WDPCP: variants seen among roughly 807,000 people sequenced by gnomAD.
WDPCP encodes the protein WD repeat containing planar cell polarity effector.
WDPCP carries 71 observed loss-of-function variants against 93.1 expected under a neutral mutation model. The ratio of observed to expected loss-of-function variants is 0.76; its 90% CI spans 0.63 to 0.93. The LOEUF (loss-of-function observed/expected upper bound fraction) is 0.93. WDPCP is among the 40% of genes least tolerant of loss of function. WDPCP has a pLI of 0.00. For synonymous variants in WDPCP, 315 were observed against 315.0 expected, an observed-to-expected ratio of 1.00 and a Z score of 0.00; for missense variants, 844 against 887.4, an observed-to-expected ratio of 0.95 and a Z score of 0.62.
At chr2:63,463,429 A>T (rs567731657) in intron 6 of WDPCP, among the ~76,000 whole-genome samples, 1 of 152,180 alleles carries the variant, frequency 6.6e-6, no homozygotes, top group Non-Finnish European at 1.5e-5. Context: ...TGGTACCTGG[A>T]GGAGAATGTG....
At chr2:63,336,784 G>C (rs993835819) in intron 12 of WDPCP, among the ~76,000 whole-genome samples, 3 of 150,740 alleles carry the variant, frequency 2.0e-5, no homozygotes, top group Admixed American at 6.6e-5. Context: ...TACGTGTACA[G>C]TTCAGTGCTA....
intron 1 of WDPCP, among the ~76,000 whole-genome samples, chr2:63,511,895 A>G (rs961220550): frequency 2.0e-4 from 30 of 152,232 alleles, no homozygotes; most frequent in African/African-American, 6.8e-4. Context: ...AAAATTGACA[A>G]ATGGGATCTA....
At chr2:63,691,069 A>G (rs534227710) in intron 2 of WDPCP, among the ~76,000 whole-genome samples, 1 of 152,366 alleles carries the variant, frequency 6.6e-6, no homozygotes, top group East Asian at 1.9e-4. Flanking sequence ...ATCTGTTATA[A>G]GCAACAATAA....
intron 2 of WDPCP, among the ~76,000 whole-genome samples, chr2:63,761,205 T>C (rs1272285850): frequency 6.6e-6 from 1 of 152,216 alleles, no homozygotes; most frequent in Non-Finnish European, 1.5e-5. Flanking sequence ...AGTGGGTTTC[T>C]GATAAAAGGA....
At chr2:63,513,254 A>C (rs933655992) in intron 1 of WDPCP, among the ~76,000 whole-genome samples, 27 of 152,226 alleles carry the variant, frequency 1.8e-4, no homozygotes, top group African/African-American at 6.5e-4. Flanking sequence ...AGTATGCTAC[A>C]TGATTATATG....
chr2:63,358,511 A>G (rs1312973459), intron 12 of WDPCP, among the ~76,000 whole-genome samples: 3 of 152,136 alleles, frequency 2.0e-5, no homozygotes, highest in Non-Finnish European at 4.4e-5. Flanking sequence ...CTGTTACCCA[A>G]GTTGCAGTGC....
chr2:63,152,634 A>G (rs1482804982), intron 17 of WDPCP, among the ~76,000 whole-genome samples: 1 of 152,148 alleles, frequency 6.6e-6, no homozygotes. Flanking sequence ...AATCATTTTG[A>G]GTCAACTTGA....
intron 1 of WDPCP, among the ~76,000 whole-genome samples, chr2:63,522,710 C>T (rs535205681): frequency 6.6e-6 from 1 of 152,178 alleles, no homozygotes; most frequent in East Asian, 1.9e-4. Flanking sequence ...AGGAAATCTA[C>T]CAGAAATGAG....
At chr2:63,578,859 A>C (rs1381904097) in intron 1 of WDPCP, among the ~76,000 whole-genome samples, 1 of 152,126 alleles carries the variant, frequency 6.6e-6, no homozygotes, top group Non-Finnish European at 1.5e-5. Context: ...CATGAGATTC[A>C]CTTATTCTTA....
chr2:63,181,911 T>C, intron 14 of WDPCP, among the ~76,000 whole-genome samples: 1 of 152,044 alleles, frequency 6.6e-6, no homozygotes, highest in Non-Finnish European at 1.5e-5. Context: ...GTTTAAAATA[T>C]ATTCCTAAAT....
rs1041212949 is a variant in WDPCP at position 63,764,550 on chromosome 2, G to A, written n.308+49072C>T. ...TGATTTTTGAATTGTCAAACACCAC[G>A]CAAAGAGTAGATATGGTAAGTGATT... On this transcript the variant is annotated intron_variant and non_coding_transcript_variant, in intron 2 of 4. Coordinates refer to the WDPCP transcript ENST00000467687. Among the ~76,000 whole-genome samples the A allele has an allele frequency of 3.2e-4, 49 of 152,112 alleles. 1 individual carries two copies. The highest frequency in any genetic ancestry group is 1.1e-3 in the African/African-American group (44 of 41,420).
chr2:63,758,469 G>A (rs1670001857), intron 2 of WDPCP, among the ~76,000 whole-genome samples: 1 of 152,072 alleles, frequency 6.6e-6, no homozygotes, highest in Non-Finnish European at 1.5e-5. Context: ...GACAGCACCT[G>A]GCTCTGTCAC....
chr2:63,513,480 A>G (rs9789351), intron 1 of WDPCP, among the ~76,000 whole-genome samples: 122,046 of 151,888 alleles, frequency 0.8, 49,707 homozygotes, highest in East Asian at 0.98. Context: ...AGGTCTCTGA[A>G]GCAAGGTATC....
chr2:63,164,250 A>G (rs1177003195), intron 15 of WDPCP, among the ~76,000 whole-genome samples: 3 of 152,172 alleles, frequency 2.0e-5, no homozygotes, highest in Non-Finnish European at 4.4e-5. Flanking sequence ...CATTTTGTTT[A>G]TACAGTGTCT....
At chr2:63,250,628 G>A (rs1680635388) in intron 14 of WDPCP, among the ~76,000 whole-genome samples, 1 of 152,128 alleles carries the variant, frequency 6.6e-6, no homozygotes, top group South Asian at 2.1e-4. Flanking sequence ...CAAGTTCTGT[G>A]AATTTATAGC....
At chr2:63,397,571 T>C (rs1044863168) in intron 10 of WDPCP, among the ~76,000 whole-genome samples, 18 of 152,100 alleles carry the variant, frequency 1.2e-4, no homozygotes, top group African/African-American at 4.1e-4. Flanking sequence ...AACATTTTCA[T>C]GAGTAGGCAG....
intron 10 of WDPCP, among the ~76,000 whole-genome samples, chr2:63,399,161 C>T (rs555655111): frequency 6.6e-6 from 1 of 152,234 alleles, no homozygotes; most frequent in East Asian, 1.9e-4. Context: ...TTCTATAAAA[C>T]TTAAGAGTCA....
intron 17 of WDPCP, among the ~76,000 whole-genome samples, chr2:63,134,367 C>T (rs972721): frequency 0.21 from 32,331 of 152,040 alleles, 3,780 homozygotes; most frequent in Middle Eastern, 0.34. Context: ...CAATTATGAT[C>T]AATAATACCC....
intron 10 of WDPCP, among the ~76,000 whole-genome samples, chr2:63,385,539 T>C (rs1692659356): frequency 6.6e-6 from 1 of 152,028 alleles, no homozygotes; most frequent in African/African-American, 2.4e-5. Flanking sequence ...ATGCAATACT[T>C]AGGGATAAAT....
Sources: allele counts gnomAD v4.1 joint callset (sites outside exome capture counted in the v4.1 genomes callset), GRCh38; gene constraint gnomAD v4.1.1; transcripts MANE v1.5; gene names NCBI Gene and HGNC (gene_info 2026-07-23, HGNC 2026-07-21).